Variants in MUC6 observed in about 807,000 individuals in gnomAD.
MUC6 encodes mucin-6.
Under a neutral mutation model 201.5 loss-of-function variants are expected in MUC6, and 188 were observed. The ratio of observed to expected loss-of-function variants is 0.93; its 90% CI spans 0.83 to 1.05. MUC6 has a LOEUF of 1.05. MUC6 is among the 50% of genes least tolerant of loss of function. The pLI, the probability that MUC6 is intolerant of heterozygous loss-of-function variation, is 0.00. For synonymous variants in MUC6, 1,228 were observed against 1,389.4 expected, an observed-to-expected ratio of 0.88 and a Z score of 2.58; for missense variants, 2,706 against 3,256.9, an observed-to-expected ratio of 0.83 and a Z score of 4.12.
Position 1,013,621 on chromosome 11 carries a change from G to C in MUC6, c.7155C>G (p.Ile2385Met), listed in dbSNP as rs987981587. Residue 2385 changes from isoleucine to methionine, a missense_variant, in exon 33 of 33, where the codon ATC becomes ATG. Around this residue, in one of 10 missense-constraint regions of MUC6, gnomAD observed 586 missense variants for 488.0 expected, o/e 1.20. Coordinates refer to ENST00000421673, the MANE Select transcript of MUC6 (RefSeq NM_005961.3). ...ACISAASFNI[I>M]TQQVDARCSC... ...TGCAGCGGGCATCCACCTGCTGGGT[G>C]ATGATGTTGAAGCTGCCGAGAAGTC... 6 of 1,562,474 alleles carry C rather than the reference G, an allele frequency of 3.8e-6. No homozygotes were observed. The African/African-American group carries it at 8.2e-5, about 21-fold the overall frequency.
chr11:1,029,828 T>G (rs1383607379), intron 8 of MUC6, among the ~76,000 whole-genome samples: 8 of 152,112 alleles, frequency 5.3e-5, no homozygotes, highest in Non-Finnish European at 8.8e-5. Flanking sequence ...CATTCGCAAC[T>G]CTATGTCAGG....
chr11:1,027,710 G>T lies in MUC6; in HGVS notation c.1956C>A (p.Gly652=), dbSNP rs376010176. ...TGCAGTTGTCCACACTGCTTCTCCAGCCCCAGAGCAGGACGCCCCGCAAGG... is the reference window on the plus strand; with the variant it reads ...TGCAGTTGTCCACACTGCTTCTCCATCCCCAGAGCAGGACGCCCCGCAAGG... ...ACSLRGVLLW[G]WRSSVDNCTI... is the part of the protein sequence containing the mutation. The change falls in exon 16 of 33, where the codon GGC becomes GGA. Residue 652 remains glycine, a synonymous_variant. Coordinates refer to ENST00000421673, the MANE Select transcript of MUC6 (RefSeq NM_005961.3). 23 of 1,604,076 alleles carry T rather than the reference G, an allele frequency of 1.4e-5. No individual in the cohort carries two copies. In the African/African-American group the frequency reaches 2.9e-4, roughly 21 times the overall value.
At position 1,027,024 on chromosome 11, in the gene MUC6, T is replaced by TG; in HGVS notation, c.2310dup (p.Lys771GlnfsTer34). 1 of 1,603,100 alleles carries TG rather than the reference T, an allele frequency of 6.2e-7. No homozygotes were observed. Among genetic ancestry groups the TG allele is most frequent in the South Asian group, 1.1e-5 (1 of 89,622 alleles). On this transcript the variant is annotated frameshift_variant, in exon 19 of 33. Coordinates refer to ENST00000421673, the MANE Select transcript of MUC6 (RefSeq NM_005961.3). LOFTEE classifies it high-confidence loss of function. The stretch of plus-strand genomic sequence containing the variant: ...TTCTCGGAGGACTGGCTGCAGGACT[T>TG]GAAGGTCTTAGGGGCCTGGCAGGAG...
chr11:1,023,414 G>A (rs1856870793), intron 26 of MUC6, 95 bp downstream of exon 26: 7 of 1,406,744 alleles, frequency 5.0e-6, no homozygotes, highest in African/African-American at 1.4e-5. Flanking sequence ...ATGAATGAAT[G>A]TGTGAATGAA....
chr11:1,020,814 G>A, intron 27 of MUC6, 80 bp from the exon 28 acceptor site: 1 of 1,530,570 alleles, frequency 6.5e-7, no homozygotes, highest in South Asian at 1.2e-5. Flanking sequence ...CCGAGGGCCT[G>A]AGTCAGAGAT....
rs1316808179 is a variant in MUC6, at chr11:1,031,707, T to C, written c.383A>G (p.Asn128Ser). 1 of 1,550,756 alleles carries C rather than the reference T, an allele frequency of 6.4e-7. No individual in the cohort carries two copies. Among genetic ancestry groups the C allele is most frequent in the Non-Finnish European group, 8.7e-7 (1 of 1,147,012 alleles). Reference sequence around the variant, plus strand: ...GCCGAAGGGTGTGATCTGGAGTCCATTGCTGGTATAGGGCAGGCTGATGAC... The same window carrying C: ...GCCGAAGGGTGTGATCTGGAGTCCACTGCTGGTATAGGGCAGGCTGATGAC... ...IGVISLPYTS[N>S]GLQITPFGQS... is the part of the protein sequence containing the mutation. Residue 128 changes from asparagine (N) to serine (S), a missense_variant, in exon 4 of 33, where the codon AAT becomes AGT. Around this residue, in one of 10 missense-constraint regions of MUC6, gnomAD observed 1,850 missense variants for 1,958.3 expected, o/e 0.94. Transcript: ENST00000421673.
intron 2 of MUC6, 28 bp from the exon 3 acceptor site, chr11:1,032,081 CCT>C: frequency 6.2e-7 from 1 of 1,606,950 alleles, no homozygotes; most frequent in Non-Finnish European, 8.5e-7. Flanking sequence ...CTCACACAGC[CCT>C]GTGTCCCCAC....
chr11:1,036,063 C>T (rs184062254), intron 1 of MUC6, among the ~76,000 whole-genome samples: 105 of 152,204 alleles, frequency 6.9e-4, no homozygotes, highest in African/African-American at 2.3e-3. Context: ...GGGCAGGCTG[C>T]CTGCGGCGGT....
chr11:1,030,472 A>G, intron 7 of MUC6, 101 bp downstream of exon 7: 1 of 1,431,596 alleles, frequency 7.0e-7, no homozygotes, highest in Non-Finnish European at 9.3e-7. Flanking sequence ...CTCTCAGACC[A>G]GGAGGGATGC....
chr11:1,031,097 C>G, intron 5 of MUC6, 41 bp from the exon 6 acceptor site: 1 of 1,537,142 alleles, frequency 6.5e-7, no homozygotes, highest in East Asian at 2.4e-5. Flanking sequence ...GGGGCTGGGC[C>G]TCAGAGGCCC....
In MUC6 at chr11:1,027,829, G is replaced by C. The variant is rs374037530; in HGVS notation, c.1849-12C>G. On this transcript the variant is annotated splice_polypyrimidine_tract_variant and intron_variant, in intron 15 of 32. Transcript: ENST00000421673. ...TGGTACACGCACCTCTGCGGGCAGA[G>C]AGCCAGCATGGGCTGGTGGCAGGCA... The C allele has an allele frequency of 1.0e-5, 16 of 1,607,898 alleles. No individual in the cohort carries two copies. The African/African-American group carries it at 1.7e-4, about 17-fold the overall frequency.
chr11:1,025,708 G>T, intron 22 of MUC6, 97 bp downstream of exon 22: 1 of 1,189,664 alleles, frequency 8.4e-7, no homozygotes, highest in Non-Finnish European at 1.2e-6. Context: ...GCTGCATCTC[G>T]GGGCAGGACC....
intron 26 of MUC6, among the ~76,000 whole-genome samples, chr11:1,022,183 C>A (rs569685365): frequency 2.7e-5 from 4 of 148,836 alleles, no homozygotes; most frequent in African/African-American, 7.5e-5. Context: ...CCTCTACAGC[C>A]CCGCGCCCCT....
chr11:1,027,932 T>G (rs759350487), intron 15 of MUC6, 33 bp downstream of exon 15: 4 of 1,562,422 alleles, frequency 2.6e-6, no homozygotes, highest in Non-Finnish European at 3.5e-6. Context: ...CAGCCTCCCC[T>G]GCAGCCCTCC....
At chr11:1,027,239 C>T in intron 17 of MUC6, 29 bp downstream of exon 17, 1 of 1,611,934 alleles carries the variant, frequency 6.2e-7, no homozygotes, top group Admixed American at 1.7e-5. Context: ...GGCAGGGACC[C>T]CCCGCCTGGC....
intron 30 of MUC6, among the ~76,000 whole-genome samples, chr11:1,018,995 C>G (rs1338860829): frequency 6.6e-6 from 1 of 152,126 alleles, no homozygotes; most frequent in Non-Finnish European, 1.5e-5. Context: ...AGTGCAGCTG[C>G]CGCTCTGTGA....
At chr11:1,015,627 T>G in intron 31 of MUC6, 135 bp downstream of exon 31, 1 of 1,362,906 alleles carries the variant, frequency 7.3e-7, no homozygotes. Flanking sequence ...GCCTGGCAGG[T>G]GTGTAGGGAA....
In MUC6 at chr11:1,016,195, T is replaced by C. The variant is rs1856604670; in HGVS notation, c.6606A>G (p.Pro2202=). 1 of 1,612,964 alleles carries C rather than the reference T, an allele frequency of 6.2e-7. No homozygotes were observed. The highest frequency in any genetic ancestry group is 8.5e-7 in the Non-Finnish European group (1 of 1,179,626). ...TGGCCCTAATGGTAGTAGAGGCAGC[T>C]GGAGAAGAAGGAAAAAGAGGAGATG... ...VSASPLFPSS[P]AASTTIRATL... Residue 2202 remains proline (P), a synonymous_variant, in exon 31 of 33, where the codon CCA becomes CCG. Coordinates refer to ENST00000421673, the MANE Select transcript of MUC6 (RefSeq NM_005961.3).
Position 1,013,248 on chromosome 11 carries a change from C to T in MUC6, c.*208G>A. On this transcript the variant is annotated 3_prime_UTR_variant, in exon 33 of 33. Coordinates refer to ENST00000421673, the MANE Select transcript of MUC6 (RefSeq NM_005961.3). ...CCGCCTCAGTCCCTCTCTGCTGGCTCAGGGTCTGCAGGAGTGTGGTAGTCT... is the reference window on the plus strand; with the variant it reads ...CCGCCTCAGTCCCTCTCTGCTGGCTTAGGGTCTGCAGGAGTGTGGTAGTCT... 1 of 587,484 alleles carries T rather than the reference C, an allele frequency of 1.7e-6. No homozygotes were observed. Among genetic ancestry groups the T allele is most frequent in the Non-Finnish European group, 3.0e-6 (1 of 334,892 alleles). 36.4% of individuals were successfully genotyped at this position (587,484 alleles called of 1,614,324 possible). A position where few individuals can be genotyped will look rare whatever the true frequency, so the allele number is the denominator to read the frequency against.
Sources: allele counts gnomAD v4.1 joint callset (sites outside exome capture counted in the v4.1 genomes callset), GRCh38; gene constraint gnomAD v4.1.1; regional missense constraint gnomAD v4.1.1; transcripts MANE v1.5; gene names NCBI Gene and HGNC (gene_info 2026-07-23, HGNC 2026-07-21).